Variants in DERA observed in about 807,000 individuals in gnomAD.
DERA encodes the protein 2-deoxy-D-ribose 5-phosphate aldolase.
Under a neutral mutation model 41.1 loss-of-function variants are expected in DERA, and 15 were observed. That is an observed-to-expected ratio of 0.37 (90% CI 0.24 to 0.56). DERA has a LOEUF of 0.56. Among genes scored for constraint, DERA ranks in the 20% least tolerant of loss-of-function variants. The probability of loss-of-function intolerance (pLI) is 0.81; values close to 1 mark genes in which losing one functional copy is unlikely to be tolerated. For synonymous variants in DERA, 139 were observed against 137.4 expected (o/e 1.01, Z -0.08); for missense variants, 396 against 403.4 (o/e 0.98, Z 0.16).
Position 15,984,162 on chromosome 12 carries a change from C to T in DERA, c.637+1726C>T, listed in dbSNP as rs1948749758. Among the ~76,000 whole-genome samples the T allele has an allele frequency of 6.6e-6, 1 of 152,190 alleles. No individual in the cohort carries two copies. The highest frequency in any genetic ancestry group is 2.4e-5 in the African/African-American group (1 of 41,444). On this transcript the variant is annotated intron_variant, in intron 6 of 8. Transcript: ENST00000428559. The surrounding 1 kb of genome is among the most constrained non-coding windows in gnomAD (Gnocchi z 4.5). ...GTTGTGCACATGGAGCTGAGATACT[C>T]CTCAGGGTCACATCGGAGCCAATCT...
intron 6 of DERA, among the ~76,000 whole-genome samples, chr12:15,997,620 T>A (rs1948847567): frequency 6.6e-6 from 1 of 152,116 alleles, no homozygotes; most frequent in Non-Finnish European, 1.5e-5. Context: ...ACTACATATC[T>A]AAAGACAGGG....
chr12:15,991,653 G>A (rs889637197), intron 6 of DERA, among the ~76,000 whole-genome samples: 4 of 152,058 alleles, frequency 2.6e-5, no homozygotes, highest in African/African-American at 9.7e-5. Context: ...CAACAACAAT[G>A]TCATAATAGC....
chr12:15,919,182 C>CTATTTAT (rs1443116134), intron 1 of DERA, among the ~76,000 whole-genome samples: 1 of 151,890 alleles, frequency 6.6e-6, no homozygotes, highest in African/African-American at 2.4e-5. Flanking sequence ...AATAGAAAAA[C>CTATTTAT]TATAAAGTAA....
At chr12:16,028,825 C>T (rs1251901791) in intron 6 of DERA, among the ~76,000 whole-genome samples, 1 of 152,054 alleles carries the variant, frequency 6.6e-6, no homozygotes, top group Non-Finnish European at 1.5e-5. Context: ...CCAGTACTTT[C>T]AAAACTGTCA....
intron 1 of DERA, among the ~76,000 whole-genome samples, chr12:15,927,179 T>C (rs1217953344): frequency 6.6e-6 from 1 of 152,210 alleles, no homozygotes; most frequent in African/African-American, 2.4e-5. Flanking sequence ...GTAATACATA[T>C]AATAAAGATT....
intron 1 of DERA, among the ~76,000 whole-genome samples, chr12:15,947,846 C>G (rs751600846): frequency 3.0e-4 from 46 of 152,140 alleles, no homozygotes; most frequent in Admixed American, 5.9e-4. Context: ...GTGGCTGGTA[C>G]CGGTTGTTCC....
intron 7 of DERA, among the ~76,000 whole-genome samples, chr12:16,034,176 GC>G (rs1276850272): frequency 6.6e-6 from 1 of 152,144 alleles, no homozygotes; most frequent in Non-Finnish European, 1.5e-5. Flanking sequence ...AAGTTCCATT[GC>G]CAGGGTTCAG....
At chr12:15,964,067 G>A (rs570404532) in intron 5 of DERA, among the ~76,000 whole-genome samples, 27 of 152,264 alleles carry the variant, frequency 1.8e-4, no homozygotes, top group African/African-American at 4.8e-4. Flanking sequence ...TTGGAGACCC[G>A]GGCTACGTTT....
chr12:15,933,615 G>A (rs7137246), intron 1 of DERA, among the ~76,000 whole-genome samples: 42,101 of 151,718 alleles, frequency 0.28, 6,144 homozygotes, highest in Admixed American at 0.36. Flanking sequence ...ACTTCATATC[G>A]GTATACCCAT....
In DERA at chr12:16,010,824, A is replaced by G. The variant is rs1017416745; in HGVS notation, c.638-21718A>G. Among the ~76,000 whole-genome samples the G allele has an allele frequency of 5.3e-5, 8 of 152,112 alleles. No individual in the cohort carries two copies. Among genetic ancestry groups the G allele is most frequent in the African/African-American group, 1.9e-4 (8 of 41,440 alleles). On this transcript the variant is annotated intron_variant, in intron 6 of 8. Coordinates refer to ENST00000428559, the MANE Select transcript of DERA (RefSeq NM_015954.4). This position sits in a 1 kb window ranked among gnomAD's most constrained non-coding sequence, Gnocchi z 5.5. ...TAATCACTTGGAGATAAGACTCCCCACAGAAAAATTAACACAACTTCTTTT... is the reference window on the plus strand; with the variant it reads ...TAATCACTTGGAGATAAGACTCCCCGCAGAAAAATTAACACAACTTCTTTT...
chr12:16,024,727 T>A (rs1321930236), intron 6 of DERA, among the ~76,000 whole-genome samples: 1 of 152,128 alleles, frequency 6.6e-6, no homozygotes, highest in Non-Finnish European at 1.5e-5. Flanking sequence ...AACAAGTTTC[T>A]CAGGGAGAAG....
intron 1 of DERA, among the ~76,000 whole-genome samples, chr12:15,930,581 G>GT (rs1376123813): frequency 6.6e-6 from 1 of 152,062 alleles, no homozygotes; most frequent in Non-Finnish European, 1.5e-5. Context: ...CTTAAGAACA[G>GT]TAACACTTTT....
intron 1 of DERA, among the ~76,000 whole-genome samples, chr12:15,946,986 C>T (rs534649158): frequency 5.9e-5 from 9 of 152,266 alleles, no homozygotes; most frequent in African/African-American, 2.2e-4. Flanking sequence ...ATTATGTACC[C>T]AGTAGTTATT....
At chr12:15,977,517 A>G (rs945570403) in intron 5 of DERA, among the ~76,000 whole-genome samples, 9 of 152,196 alleles carry the variant, frequency 5.9e-5, no homozygotes, top group African/African-American at 1.9e-4. Flanking sequence ...CAATGGCGCA[A>G]TCTCAGCTCA....
rs1387607593 is a variant in DERA, at chr12:16,004,649, A to C, written c.637+22213A>C. ...TCAAGAAACAAGTGGGTGTTTATGC[A>C]TGTATCCTTTGTACGATGACAACAA... is the stretch of plus-strand genomic sequence containing the variant. On this transcript the variant is annotated intron_variant, in intron 6 of 8. Coordinates refer to ENST00000428559, the MANE Select transcript of DERA (RefSeq NM_015954.4). This position sits in a 1 kb window ranked among gnomAD's most constrained non-coding sequence, Gnocchi z 4.2. Among the ~76,000 whole-genome samples the C allele has an allele frequency of 6.6e-6, 1 of 152,208 alleles. No individual in the cohort carries two copies. The highest frequency in any genetic ancestry group is 2.4e-5 in the African/African-American group (1 of 41,456).
intron 6 of DERA, among the ~76,000 whole-genome samples, chr12:16,029,913 CTTTTT>C (rs71438364): frequency 1.0e-3 from 62 of 59,708 alleles, no homozygotes; most frequent in Admixed American, 2.3e-3. Flanking sequence ...TAGCCTTGGT[CTTTTT>C]TTTTTTTTTT....
rs963475454 is a variant in DERA at position 16,017,680 on chromosome 12, G to C, written c.638-14862G>C. ...AATATTGAAGACTTTTAATTTGAGG[G>C]CTTATATCTTTGCATACCCTGCTTA... is the stretch of plus-strand genomic sequence containing the variant. On this transcript the variant is annotated intron_variant, in intron 6 of 8. Coordinates refer to ENST00000428559, the MANE Select transcript of DERA (RefSeq NM_015954.4). This position sits in a 1 kb window ranked among gnomAD's most constrained non-coding sequence, Gnocchi z 5.5. 1.2e-4 allele frequency among the ~76,000 whole-genome samples: 19 copies of C among 152,256 alleles called. No individual in the cohort carries two copies. The highest frequency in any genetic ancestry group is 4.3e-4 in the African/African-American group (18 of 41,554).
rs374345150 is a variant in DERA, at chr12:15,965,189, G to C, written c.508+2242G>C. ...AGCATAAAATAATTTCTTGGAATTT[G>C]TGGATGGAAATGTCTATCAAGCAAT... On this transcript the variant is annotated intron_variant, in intron 5 of 8. Transcript: ENST00000428559. This position sits in a 1 kb window ranked among gnomAD's most constrained non-coding sequence, Gnocchi z 4.1. Among the ~76,000 whole-genome samples, 1 of 152,162 alleles carries C rather than the reference G, an allele frequency of 6.6e-6. No individual in the cohort carries two copies. Among genetic ancestry groups the C allele is most frequent in the Non-Finnish European group, 1.5e-5 (1 of 68,024 alleles).
rs1948730657 is a variant in DERA, at chr12:15,981,225, G to A, written c.509-1083G>A. ...TACCCAGGCGTGGTGGCAGGCGCCT[G>A]TAGTCCCAGCTACTCGGGAGGCTGA... On this transcript the variant is annotated intron_variant, in intron 5 of 8. Transcript: ENST00000428559. The surrounding 1 kb of genome is among the most constrained non-coding windows in gnomAD (Gnocchi z 6.1). Among the ~76,000 whole-genome samples, 1 of 152,164 alleles carries A rather than the reference G, an allele frequency of 6.6e-6. No homozygotes were observed. The highest frequency in any genetic ancestry group is 2.4e-5 in the African/African-American group (1 of 41,450).
Sources: gnomAD v4.1 joint callset for allele counts (sites outside exome capture counted in the v4.1 genomes callset) on GRCh38, gnomAD v4.1.1 for gene constraint, Gnocchi (gnomAD v3.1) non-coding constraint, MANE v1.5 for transcripts, NCBI Gene and HGNC (gene_info 2026-07-23, HGNC 2026-07-21) for gene names.